Variants in MLPH observed in about 807,000 individuals in gnomAD.
MLPH encodes the protein exophilin-3.
MLPH carries 51 observed loss-of-function variants against 72.1 expected under a neutral mutation model. The ratio of observed to expected loss-of-function variants is 0.71; its 90% CI spans 0.56 to 0.89. MLPH has a LOEUF of 0.89. Ranked by LOEUF, MLPH falls within the 40% of genes least tolerant of loss-of-function variation. The pLI is 0.00. For missense variants in MLPH, 743 were observed against 759.9 expected (o/e 0.98, Z 0.26); for synonymous variants, 301 against 310.1 (o/e 0.97, Z 0.31).
chr2:237,551,807 A>G (rs2081046248), intron 14 of MLPH, among the ~76,000 whole-genome samples: 1 of 151,938 alleles, frequency 6.6e-6, no homozygotes, highest in South Asian at 2.1e-4. Context: ...GTGAAACCCC[A>G]TCTCTACTAA....
At chr2:237,535,923 C>T (rs750217457) in intron 9 of MLPH, among the ~76,000 whole-genome samples, 6 of 152,340 alleles carry the variant, frequency 3.9e-5, no homozygotes, top group South Asian at 2.1e-4. Context: ...TGGCACCACT[C>T]GGTCTTTCCC....
chr2:237,492,303 A>G (rs1323671592), intron 1 of MLPH, among the ~76,000 whole-genome samples: 1 of 152,070 alleles, frequency 6.6e-6, no homozygotes, highest in Non-Finnish European at 1.5e-5. Context: ...CAAACACAGC[A>G]TCACATAGTG....
rs755733100 is a variant in MLPH, at chr2:237,549,228, C to T, written c.1625C>T (p.Ala542Val). 18 of 1,613,978 alleles carry T rather than the reference C, an allele frequency of 1.1e-5. No homozygotes were observed. In the African/African-American group the frequency reaches 1.3e-4, roughly 12 times the overall value. ...ADPSSEAKAM[A>V]VPYLLRRKFS... ...ACACTCTGTTTCTTCTAGGCAATGG[C>T]TGTGCCCTATCTTCTGAGAAGAAAG... The change falls in exon 14 of 16, where the codon GCT becomes GTT. Residue 542 changes from alanine to valine, a missense_variant. Ala to Val is a moderately conservative substitution (Grantham distance 64). Transcript: ENST00000264605.
intron 11 of MLPH, among the ~76,000 whole-genome samples, chr2:237,542,006 C>T (rs762257989): frequency 3.9e-5 from 6 of 152,148 alleles, no homozygotes; most frequent in Non-Finnish European, 7.3e-5. Flanking sequence ...AGGGATTAGC[C>T]GTGAAACCCC....
At chr2:237,537,651 C>T (rs1473778417) in intron 9 of MLPH, 1 of 152,274 alleles carries the variant, frequency 6.6e-6, no homozygotes, top group Non-Finnish European at 1.5e-5. Context: ...GTCTGTGAGA[C>T]CCCAGGCAGC....
chr2:237,534,718 A>G, intron 9 of MLPH, 71 bp downstream of exon 9: 1 of 1,242,522 alleles, frequency 8.0e-7, no homozygotes, highest in Non-Finnish European at 1.2e-6. Flanking sequence ...GAAGTGTGAC[A>G]TGGGCTTTTG....
At chr2:237,497,194 G>A (rs1472179428) in intron 2 of MLPH, among the ~76,000 whole-genome samples, 5 of 152,232 alleles carry the variant, frequency 3.3e-5, no homozygotes, top group Non-Finnish European at 7.3e-5. Context: ...AGGAGGCGGA[G>A]CTCAGGCGGG....
chr2:237,541,706 G>A lies in MLPH; in HGVS notation c.1446+749G>A, dbSNP rs185044880. Among the ~76,000 whole-genome samples, 14 of 152,350 alleles carry A rather than the reference G, an allele frequency of 9.2e-5. No individual in the cohort carries two copies. Among genetic ancestry groups the A allele is most frequent in the Non-Finnish European group, 1.9e-4 (13 of 68,034 alleles). ...ATGTAGCCCACATTGTGTAGGCCAC[G>A]GAAGATCTGGTGCAAATACCTTAGA... On this transcript the variant is annotated intron_variant, in intron 11 of 15. Transcript: ENST00000264605. The surrounding 1 kb of genome is among the most constrained non-coding windows in gnomAD (Gnocchi z 5.1).
chr2:237,516,994 T>A (rs2080044942), intron 4 of MLPH, among the ~76,000 whole-genome samples: 1 of 124,586 alleles, frequency 8.0e-6, no homozygotes, highest in Non-Finnish European at 1.7e-5. Context: ...AGGTGGTAGG[T>A]GAGTGGATGG....
chr2:237,524,247 A>G (rs1011969371), intron 6 of MLPH, among the ~76,000 whole-genome samples: 4 of 150,110 alleles, frequency 2.7e-5, no homozygotes, highest in African/African-American at 7.5e-5. Context: ...TCCGCCCTAC[A>G]GGATCATTTC....
chr2:237,542,598 T>A lies in MLPH; in HGVS notation c.1478T>A (p.Leu493Gln). ...GACATTGAATCCAGGATTGCAGCCC[T>A]GAGGGCCGCAGGGCTCACGGTGAAG... ...VSDIESRIAA[L>Q]RAAGLTVKPS... The change falls in exon 12 of 16, where the codon CTG becomes CAG. Residue 493 changes from leucine to glutamine, a missense_variant. Coordinates refer to ENST00000264605, the MANE Select transcript of MLPH (RefSeq NM_024101.7). The A allele has an allele frequency of 6.2e-7, 1 of 1,603,512 alleles. No individual in the cohort carries two copies. Among genetic ancestry groups the A allele is most frequent in the Non-Finnish European group, 8.5e-7 (1 of 1,176,060 alleles).
chr2:237,497,338 G>A (rs1372882539), intron 2 of MLPH, among the ~76,000 whole-genome samples: 1 of 152,198 alleles, frequency 6.6e-6, no homozygotes, highest in African/African-American at 2.4e-5. Flanking sequence ...TAGTTAAGAG[G>A]TTTTTGAGTT....
In MLPH at chr2:237,540,519, C is replaced by A. The variant is rs746373731; in HGVS notation, c.1276C>A (p.Gln426Lys). Residue 426 changes from glutamine to lysine, a missense_variant, in exon 10 of 16, where the codon CAG becomes AAG. Physicochemically the swap from Gln to Lys is moderately conservative, Grantham distance 53 (BLOSUM62 1). Transcript: ENST00000264605. ...NRDKSVGPLPQADPEVGTAAH... is the reference protein window; with the variant it reads ...NRDKSVGPLPKADPEVGTAAH... ...GGACAAATCAGTTGGGCCTCTCCCC[C>A]AGGCGGACCCGGAGGTAAGACTATC... The A allele has an allele frequency of 6.2e-7, 1 of 1,611,482 alleles. No homozygotes were observed. Among genetic ancestry groups the A allele is most frequent in the East Asian group, 2.2e-5 (1 of 44,860 alleles).
intron 2 of MLPH, among the ~76,000 whole-genome samples, chr2:237,496,285 G>A (rs1048383212): frequency 6.6e-6 from 1 of 152,214 alleles, no homozygotes; most frequent in African/African-American, 2.4e-5. Context: ...GAGGGAGGGA[G>A]CAAGTGGGGC....
In MLPH at chr2:237,524,320, T is replaced by TA. The variant is rs889743415; in HGVS notation, c.676-1278dup. 3.7e-4 allele frequency among the ~76,000 whole-genome samples: 54 copies of TA among 147,040 alleles called. 3 individuals carry two copies. Among genetic ancestry groups the TA allele is most frequent in the African/African-American group, 1.3e-3 (50 of 37,392 alleles). ...CTAATAGAATATATATATATATATA[T>TA]AAAGGGGAGTTTATTAAGTATTAAC... is the stretch of plus-strand genomic sequence containing the variant. On this transcript the variant is annotated intron_variant, in intron 6 of 15. Coordinates refer to ENST00000264605, the MANE Select transcript of MLPH (RefSeq NM_024101.7).
intron 1 of MLPH, among the ~76,000 whole-genome samples, chr2:237,492,453 A>G (rs2079445576): frequency 6.7e-6 from 1 of 149,124 alleles, no homozygotes; most frequent in Non-Finnish European, 1.5e-5. Flanking sequence ...CATAGTGAGA[A>G]CTCGTCTCTA....
In MLPH at chr2:237,554,827, T is replaced by G. The variant is rs561178608; in HGVS notation, c.*1235T>G. 1 of 152,360 alleles carries G rather than the reference T, an allele frequency of 6.6e-6. No individual in the cohort carries two copies. Among genetic ancestry groups the G allele is most frequent in the South Asian group, 2.1e-4 (1 of 4,830 alleles). The allele number at this position is 152,360 out of a possible 1,614,324, so 9.4% of individuals were successfully genotyped here. A position where few individuals can be genotyped will look rare whatever the true frequency, so the allele number is the denominator to read the frequency against. The stretch of plus-strand genomic sequence containing the variant: ...TAAAACTAAGGTTTGAATCTCAAAG[T>G]GTTGCTGGGAGGCTGATACTCCTGC... On this transcript the variant is annotated 3_prime_UTR_variant, in exon 16 of 16. Transcript: ENST00000264605.
At chr2:237,525,884 G>T (rs1056534577) in intron 7 of MLPH, 79 bp downstream of exon 7, 139 of 1,378,834 alleles carry the variant, frequency 1.0e-4, no homozygotes, top group Non-Finnish European at 1.6e-5. Context: ...CCACCACCCT[G>T]ACCTATCCAA....
At position 237,493,544 on chromosome 2, in the gene MLPH, T is replaced by C; in HGVS notation, c.110+8T>C. ...AGAAGAGGAACGGCTAGAGTGAGTG[T>C]GCCGTGCTGAGCCCACGGAGCCCGG... On this transcript the variant is annotated splice_region_variant and intron_variant, in intron 2 of 15. Coordinates refer to ENST00000264605, the MANE Select transcript of MLPH (RefSeq NM_024101.7). 1 of 1,609,586 alleles carries C rather than the reference T, an allele frequency of 6.2e-7. No homozygotes were observed. Among genetic ancestry groups the C allele is most frequent in the Non-Finnish European group, 8.5e-7 (1 of 1,176,130 alleles).
Sources: gnomAD v4.1 joint callset for allele counts (sites outside exome capture counted in the v4.1 genomes callset) on GRCh38, gnomAD v4.1.1 for gene constraint, Gnocchi (gnomAD v3.1) non-coding constraint, MANE v1.5 for transcripts, NCBI Gene and HGNC (gene_info 2026-07-23, HGNC 2026-07-21) for gene names.